The following GIPC2 variants were observed in gnomAD, a reference collection of about 807,000 sequenced individuals.
The protein encoded by GIPC2 is PDZ domain-containing protein GIPC2.
In GIPC2, 30 loss-of-function variants were observed where a neutral mutation model predicts 30.6. That is an observed-to-expected ratio of 0.98 (90% CI 0.73 to 1.33). The LOEUF (loss-of-function observed/expected upper bound fraction) is 1.33, where lower values mean the gene tolerates loss of function less well. Among genes scored for constraint, GIPC2 ranks in the 40% most tolerant of loss-of-function variants. The pLI, the probability that GIPC2 is intolerant of heterozygous loss-of-function variation, is 0.00. For synonymous variants in GIPC2, 167 were observed against 150.0 expected (o/e 1.11, Z -0.83); for missense variants, 414 against 390.3 (o/e 1.06, Z -0.51).
At chr1:78,107,859 AG>A in intron 3 of GIPC2, among the ~76,000 whole-genome samples, 1 of 120,486 alleles carries the variant, frequency 8.3e-6, no homozygotes, top group South Asian at 3.0e-4. Flanking sequence ...AAAAAAAAAG[AG>A]CTAGCATTCT....
At chr1:78,103,188 CT>C (rs1175479082) in intron 3 of GIPC2, among the ~76,000 whole-genome samples, 1 of 152,198 alleles carries the variant, frequency 6.6e-6, no homozygotes, top group Non-Finnish European at 1.5e-5. Flanking sequence ...CCTCAGGGAA[CT>C]TACAGTTTAC....
At chr1:78,093,283 ACT>A (rs1265539680) in intron 2 of GIPC2, among the ~76,000 whole-genome samples, 1 of 151,974 alleles carries the variant, frequency 6.6e-6, no homozygotes, top group African/African-American at 2.4e-5. Flanking sequence ...CAGTTGAGAA[ACT>A]CTAGTTGTAC....
Position 78,111,876 on chromosome 1 carries a change from A to G in GIPC2, c.608-7517A>G, listed in dbSNP as rs187503356. On this transcript the variant is annotated intron_variant, in intron 3 of 5. Coordinates refer to ENST00000370759, the MANE Select transcript of GIPC2 (RefSeq NM_017655.6). ...GTTTTAACTAAGGTGCTCTGATTCC[A>G]AAGTCCATGTTCTTAACCACAACAC... Among the ~76,000 whole-genome samples the G allele has an allele frequency of 6.9e-4, 105 of 152,368 alleles. 2 individuals carry two copies. The highest frequency in any genetic ancestry group is 3.4e-3 in the Middle Eastern group (1 of 294).
chr1:78,059,050 G>A (rs917530405), intron 1 of GIPC2, among the ~76,000 whole-genome samples: 15 of 152,144 alleles, frequency 9.9e-5, no homozygotes, highest in African/African-American at 3.6e-4. Flanking sequence ...TCTTGTTGGG[G>A]TGGGTGAACT....
chr1:78,072,682 G>A (rs931953458), intron 1 of GIPC2, among the ~76,000 whole-genome samples: 2 of 152,082 alleles, frequency 1.3e-5, no homozygotes, highest in African/African-American at 4.8e-5. Context: ...AAGTCTTTGA[G>A]ACTTAGATAA....
chr1:78,062,336 TTGGG>T (rs989874661), intron 1 of GIPC2, among the ~76,000 whole-genome samples: 2 of 152,026 alleles, frequency 1.3e-5, no homozygotes, highest in African/African-American at 4.8e-5. Context: ...CTGGGTGTGG[TTGGG>T]TATTAGGTGC....
chr1:78,124,574 A>G (rs891376755), intron 4 of GIPC2, among the ~76,000 whole-genome samples: 1 of 152,166 alleles, frequency 6.6e-6, no homozygotes, highest in Non-Finnish European at 1.5e-5. Flanking sequence ...ATCTAGTCAT[A>G]TTTGTCACTG....
intron 2 of GIPC2, chr1:78,092,172 T>C: frequency 1.6e-6 from 1 of 641,536 alleles, no homozygotes; most frequent in Non-Finnish European, 2.7e-6. Flanking sequence ...CTAGAGCCTT[T>C]AAAAAACCCA....
chr1:78,126,869 G>A (rs1662792910), intron 5 of GIPC2, among the ~76,000 whole-genome samples: 1 of 152,184 alleles, frequency 6.6e-6, no homozygotes, highest in African/African-American at 2.4e-5. Flanking sequence ...ATTGGCTCAA[G>A]TGAGCCAGTC....
At chr1:78,135,547 A>G (rs756253220) in intron 5 of GIPC2, 45 bp from the exon 6 acceptor site, 10 of 1,182,632 alleles carry the variant, frequency 8.5e-6, no homozygotes, top group Non-Finnish European at 4.8e-6. Flanking sequence ...CAGTCCTTTG[A>G]TGCTATTTCA....
At position 78,046,258 on chromosome 1, in the gene GIPC2, G is replaced by C. The variant is rs376997722; in HGVS notation, c.164G>C (p.Gly55Ala). 6.2e-7 allele frequency: 1 copy of C among 1,611,146 alleles called. No individual in the cohort carries two copies. Among genetic ancestry groups the C allele is most frequent in the Non-Finnish European group, 8.5e-7 (1 of 1,179,166 alleles). ...HAQLAHGSAT[G>A]RVEGFSSIQE... is the part of the protein sequence containing the mutation. The stretch of plus-strand genomic sequence containing the variant: ...CAGCTGGCGCACGGTAGTGCCACGG[G>C]CCGAGTGGAGGGCTTCTCCAGCATC... Residue 55 changes from glycine (G) to alanine (A), a missense_variant, in exon 1 of 6, where the codon GGC becomes GCC. Gly to Ala is a moderately conservative substitution (Grantham distance 60, BLOSUM62 0). Transcript: ENST00000370759.
At chr1:78,088,094 TA>T (rs1268349091) in intron 2 of GIPC2, among the ~76,000 whole-genome samples, 6 of 151,400 alleles carry the variant, frequency 4.0e-5, no homozygotes, top group Non-Finnish European at 7.4e-5. Context: ...TATTAAAAAA[TA>T]AAAAAATAAG....
chr1:78,049,611 G>T (rs1263374429), intron 1 of GIPC2, among the ~76,000 whole-genome samples: 4 of 152,198 alleles, frequency 2.6e-5, no homozygotes, highest in African/African-American at 9.7e-5. Context: ...CTTTATTGAG[G>T]AGAAAGGGAA....
chr1:78,127,726 G>A (rs1228545720), intron 5 of GIPC2, among the ~76,000 whole-genome samples: 1 of 152,146 alleles, frequency 6.6e-6, no homozygotes, highest in Non-Finnish European at 1.5e-5. Flanking sequence ...ATCTCACTCT[G>A]TCACCCAGGC....
At chr1:78,093,370 T>C (rs1168293514) in intron 2 of GIPC2, among the ~76,000 whole-genome samples, 1 of 152,084 alleles carries the variant, frequency 6.6e-6, no homozygotes, top group Non-Finnish European at 1.5e-5. Flanking sequence ...TGGTAGATTA[T>C]GAAACTTCTG....
intron 2 of GIPC2, among the ~76,000 whole-genome samples, chr1:78,083,609 A>G (rs1356120170): frequency 2.6e-5 from 4 of 152,204 alleles, no homozygotes; most frequent in Non-Finnish European, 5.9e-5. Flanking sequence ...TGGTTGAAAA[A>G]ATGATGATTT....
rs765002178 is a variant in GIPC2 at position 78,046,220 on chromosome 1, G to C, written c.126G>C (p.Leu42=). Residue 42 remains leucine (L), a synonymous_variant, in exon 1 of 6, where the codon CTG becomes CTC. Coordinates refer to ENST00000370759, the MANE Select transcript of GIPC2 (RefSeq NM_017655.6). The part of the protein sequence containing the change: ...LSASRAPARR[L]VFHAQLAHGS... ...CGTCCCGGGCTCCCGCACGCAGGCTGGTCTTCCACGCGCAGCTGGCGCACG... is the reference window on the plus strand; with the variant it reads ...CGTCCCGGGCTCCCGCACGCAGGCTCGTCTTCCACGCGCAGCTGGCGCACG... 3.1e-6 allele frequency: 5 copies of C among 1,602,246 alleles called. No homozygotes were observed. Among genetic ancestry groups the C allele is most frequent in the Non-Finnish European group, 4.3e-6 (5 of 1,175,620 alleles).
At chr1:78,114,108 GCATTCCTGTGC>G (rs1191630763) in intron 3 of GIPC2, among the ~76,000 whole-genome samples, 2 of 152,214 alleles carry the variant, frequency 1.3e-5, no homozygotes. Context: ...CACAAGCCGT[GCATTCCTGTGC>G]CCTAAGTGAC....
intron 2 of GIPC2, chr1:78,092,073 C>G: frequency 6.7e-7 from 1 of 1,496,660 alleles, no homozygotes; most frequent in Non-Finnish European, 9.3e-7. Context: ...TCAGCTTCAC[C>G]CCCCGGCTTT....
Sources: allele counts gnomAD v4.1 joint callset (sites outside exome capture counted in the v4.1 genomes callset), GRCh38; gene constraint gnomAD v4.1.1; transcripts MANE v1.5; gene names NCBI Gene and HGNC (gene_info 2026-07-23, HGNC 2026-07-21).